Variants in PCDH15 observed in about 807,000 individuals in gnomAD.
PCDH15 encodes protocadherin-15.
In PCDH15, 129 loss-of-function variants were observed where a neutral mutation model predicts 178.5. The observed-to-expected ratio is 0.72, with a 90% CI of 0.63 to 0.84. The LOEUF is 0.84. PCDH15 is among the 40% of genes least tolerant of loss of function. PCDH15 has a pLI of 0.00. For missense variants in PCDH15, 2,230 were observed against 2,099.9 expected (o/e 1.06, Z -1.21); for synonymous variants, 800 against 732.0 (o/e 1.09, Z -1.50).
At chr10:55,582,209 A>C (rs1408213926) in intron 2 of PCDH15, among the ~76,000 whole-genome samples, 6 of 152,252 alleles carry the variant, frequency 3.9e-5, no homozygotes, top group South Asian at 2.1e-4. Context: ...AGAATCTCAT[A>C]AAGTCTCATC....
At chr10:54,151,343 C>T (rs919254592) in intron 14 of PCDH15, among the ~76,000 whole-genome samples, 11 of 152,192 alleles carry the variant, frequency 7.2e-5, no homozygotes, top group East Asian at 3.9e-4. Context: ...GAGCTTGAGA[C>T]GAGCCTGGGC....
chr10:54,440,306 A>G (rs1217486469), intron 3 of PCDH15, among the ~76,000 whole-genome samples: 1 of 152,032 alleles, frequency 6.6e-6, no homozygotes, highest in Non-Finnish European at 1.5e-5. Flanking sequence ...GGCAGAAGGT[A>G]AAATAGTTTC....
At chr10:54,568,951 T>A (rs1014058411) in intron 2 of PCDH15, among the ~76,000 whole-genome samples, 2 of 152,026 alleles carry the variant, frequency 1.3e-5, no homozygotes, top group South Asian at 2.1e-4. Flanking sequence ...AATATATGAT[T>A]TATTTTTGAA....
chr10:54,173,526 T>C (rs1408515699), intron 13 of PCDH15, among the ~76,000 whole-genome samples: 1 of 151,568 alleles, frequency 6.6e-6, no homozygotes, highest in Admixed American at 6.6e-5. Context: ...AATATTTTAC[T>C]TTGTAAAAAA....
At chr10:54,888,570 C>T (rs769293563) in intron 3 of PCDH15, among the ~76,000 whole-genome samples, 1 of 151,796 alleles carries the variant, frequency 6.6e-6, no homozygotes, top group Non-Finnish European at 1.5e-5. Flanking sequence ...GATGGCTTGG[C>T]AGGTTCATAT....
chr10:54,001,649 A>G lies in PCDH15; in HGVS notation c.2752-5884T>C, dbSNP rs956908564. ...TCACTTAAAGGAAGACAGGAAGGAA[A>G]GAAAGAAAGAAGACAAACCATAAGA... On this transcript the variant is annotated intron_variant, in intron 20 of 37. Coordinates refer to ENST00000644397, the MANE Select transcript of PCDH15 (RefSeq NM_001384140.1). Among the ~76,000 whole-genome samples, 8 of 152,262 alleles carry G rather than the reference A, an allele frequency of 5.3e-5. No individual in the cohort carries two copies. In the East Asian group the frequency reaches 1.4e-3, roughly 26 times the overall value.
intron 15 of PCDH15, among the ~76,000 whole-genome samples, chr10:54,094,833 A>G (rs1299123408): frequency 1.3e-5 from 2 of 152,186 alleles, no homozygotes; most frequent in African/African-American, 4.8e-5. Context: ...AGTCCACTCA[A>G]CCAGATTACT....
intron 1 of PCDH15, among the ~76,000 whole-genome samples, chr10:54,677,334 C>A (rs192507496): frequency 2.0e-5 from 3 of 151,998 alleles, no homozygotes; most frequent in African/African-American, 7.3e-5. Context: ...GAGATATGAT[C>A]GTGTTACTGC....
intron 2 of PCDH15, among the ~76,000 whole-genome samples, chr10:55,461,737 T>C (rs1190690687): frequency 6.6e-6 from 1 of 152,122 alleles, no homozygotes; most frequent in African/African-American, 2.4e-5. Context: ...GTTAAATTTT[T>C]AACAGAACAG....
intron 2 of PCDH15, among the ~76,000 whole-genome samples, chr10:55,408,926 C>T (rs1588998325): frequency 6.6e-6 from 1 of 152,198 alleles, no homozygotes; most frequent in East Asian, 1.9e-4. Flanking sequence ...TGGTGTATCA[C>T]CATCTCCTTT....
chr10:54,363,030 G>C (rs1946291811), intron 5 of PCDH15, among the ~76,000 whole-genome samples: 1 of 151,798 alleles, frequency 6.6e-6, no homozygotes, highest in South Asian at 2.1e-4. Context: ...TCTATCTCAG[G>C]AACATCAGCG....
intron 23 of PCDH15, among the ~76,000 whole-genome samples, chr10:53,958,481 C>G (rs933946926): frequency 6.6e-6 from 1 of 152,088 alleles, no homozygotes; most frequent in African/African-American, 2.4e-5. Context: ...CTTATTTCTA[C>G]CATTGTGTTC....
chr10:55,506,671 C>T (rs370210581), intron 2 of PCDH15, among the ~76,000 whole-genome samples: 1 of 151,432 alleles, frequency 6.6e-6, no homozygotes, highest in Non-Finnish European at 1.5e-5. Flanking sequence ...AATTTTTATT[C>T]CCGGGAGAGT....
At chr10:54,786,272 T>C (rs951986740) in intron 1 of PCDH15, among the ~76,000 whole-genome samples, 1 of 152,032 alleles carries the variant, frequency 6.6e-6, no homozygotes, top group Admixed American at 6.6e-5. Flanking sequence ...AATGTAGCTT[T>C]TGAATGAATC....
intron 8 of PCDH15, among the ~76,000 whole-genome samples, chr10:54,260,533 C>T (rs1455635252): frequency 6.6e-6 from 1 of 151,982 alleles, no homozygotes. Context: ...TAAAAACATT[C>T]ATAATGGTTT....
intron 2 of PCDH15, among the ~76,000 whole-genome samples, chr10:55,566,983 C>A (rs1172468148): frequency 1.3e-5 from 2 of 151,784 alleles, no homozygotes; most frequent in African/African-American, 4.8e-5. Context: ...CTAAATTGAT[C>A]CTAGAAAAGA....
intron 21 of PCDH15, among the ~76,000 whole-genome samples, chr10:53,993,473 G>A (rs757792855): frequency 1.7e-4 from 26 of 152,224 alleles, no homozygotes; most frequent in Admixed American, 1.3e-3. Flanking sequence ...TGTTAAGATA[G>A]ATACTTACAG....
At chr10:55,511,584 A>AT (rs1206458960) in intron 2 of PCDH15, among the ~76,000 whole-genome samples, 5 of 151,900 alleles carry the variant, frequency 3.3e-5, no homozygotes, top group African/African-American at 7.2e-5. Flanking sequence ...GTTGTTGCTT[A>AT]TTTTTTTTAC....
chr10:54,519,929 C>A (rs1348420628), intron 3 of PCDH15, among the ~76,000 whole-genome samples: 4 of 152,182 alleles, frequency 2.6e-5, no homozygotes, highest in Non-Finnish European at 4.4e-5. Flanking sequence ...ACTATCTGAT[C>A]TTTGACAAAC....
Sources: allele counts gnomAD v4.1 joint callset (sites outside exome capture counted in the v4.1 genomes callset), GRCh38; gene constraint gnomAD v4.1.1; transcripts MANE v1.5; gene names NCBI Gene and HGNC (gene_info 2026-07-23, HGNC 2026-07-21).